CD163: variants seen among roughly 807,000 people sequenced by gnomAD.
CD163 encodes CD163 molecule.
CD163 carries 64 observed loss-of-function variants against 129.2 expected under a neutral mutation model. The observed-to-expected ratio is 0.50, with a 90% CI of 0.41 to 0.61. CD163 has a LOEUF of 0.61. CD163 is among the 20% of genes least tolerant of loss of function. CD163 has a pLI of 0.00. For synonymous variants in CD163, 446 were observed against 478.5 expected (o/e 0.93, Z 0.89); for missense variants, 1,061 against 1,377.9 (o/e 0.77, Z 3.64).
intron 14 of CD163, 103 bp from the exon 15 acceptor site, chr12:7,481,359 C>G: frequency 1.2e-6 from 1 of 804,400 alleles, no homozygotes; most frequent in Non-Finnish European, 2.1e-6. Flanking sequence ...TCGTCTTTAT[C>G]CCTGCTATTG....
intron 16 of CD163, among the ~76,000 whole-genome samples, chr12:7,478,272 C>T (rs979444120): frequency 6.6e-6 from 1 of 152,082 alleles, no homozygotes; most frequent in African/African-American, 2.4e-5. Flanking sequence ...ATAGAAACTG[C>T]CAGATTGCTT....
rs1383835178 is a variant in CD163, at chr12:7,487,374, A to G, written c.2035T>C (p.Ser679Pro). 10 of 1,589,988 alleles carry G rather than the reference A, an allele frequency of 6.3e-6. No homozygotes were observed. Among genetic ancestry groups the G allele is most frequent in the Non-Finnish European group, 8.6e-6 (10 of 1,168,114 alleles). The change falls in exon 8 of 17, where the codon TCT becomes CCT. Residue 679 changes from serine to proline, a missense_variant. Physicochemically the swap from Ser to Pro is moderately conservative, Grantham distance 74. Coordinates refer to ENST00000432237, the MANE Select transcript of CD163 (RefSeq NM_203416.4). This position sits in a 1 kb window ranked among gnomAD's most constrained non-coding sequence, Gnocchi z 5.1. ...ATCCTCTTACCTGAGCAGATTACAG[A>G]GGCCACTTGCTCTGAAGGACATAAT... ...ASLCPSEQVA[S>P]VICSGNQSQT...
At position 7,497,106 on chromosome 12, in the gene CD163, A is replaced by C. The variant is rs763887296; in HGVS notation, c.806T>G (p.Val269Gly). Residue 269 changes from valine to glycine, a missense_variant, in exon 5 of 17, where the codon GTA becomes GGA. By Grantham distance (109) the Val-to-Gly change is moderately radical (BLOSUM62 -3). Transcript: ENST00000432237. ...SKGADLSLRLVDGVTECSGRL... is the reference protein window; with the variant it reads ...SKGADLSLRLGDGVTECSGRL... The stretch of plus-strand genomic sequence containing the variant: ...TCCTGAACATTCAGTGACTCCATCT[A>C]CCAGTCTCAGGCTCAGATCTGCTCC... 6.2e-7 allele frequency: 1 copy of C among 1,613,970 alleles called. No individual in the cohort carries two copies. The highest frequency in any genetic ancestry group is 2.2e-5 in the East Asian group (1 of 44,866).
chr12:7,487,804 G>C lies in CD163; in HGVS notation c.1704C>G (p.Ser568Arg), dbSNP rs746352336. The change falls in exon 7 of 17, where the codon AGC becomes AGG. Residue 568 changes from serine (S) to arginine (R), a missense_variant. Coordinates refer to ENST00000432237, the MANE Select transcript of CD163 (RefSeq NM_203416.4). This position sits in a 1 kb window ranked among gnomAD's most constrained non-coding sequence, Gnocchi z 5.1. ...AGACTACTCCAACATCCCTGCTGTG[G>C]CTACAAGTTCCTTCTGGGCGGGGTG... Reference protein sequence around the residue: ...PVAPRPEGTCSHSRDVGVVCS... With the variant: ...PVAPRPEGTCRHSRDVGVVCS... The C allele has an allele frequency of 7.4e-6, 12 of 1,613,944 alleles. No individual in the cohort carries two copies. The highest frequency in any genetic ancestry group is 1.0e-5 in the Non-Finnish European group (12 of 1,180,024).
At chr12:7,503,263 T>C (rs1343633254) in intron 1 of CD163, among the ~76,000 whole-genome samples, 1 of 152,232 alleles carries the variant, frequency 6.6e-6, no homozygotes, top group Non-Finnish European at 1.5e-5. Flanking sequence ...TTTTAACATG[T>C]CCAAATAAGT....
At position 7,495,238 on chromosome 12, in the gene CD163, T is replaced by C. The variant is rs754072323; in HGVS notation, c.1263A>G (p.Lys421=). Residue 421 remains lysine, a synonymous_variant, in exon 6 of 17, where the codon AAA becomes AAG. Coordinates refer to ENST00000432237, the MANE Select transcript of CD163 (RefSeq NM_203416.4). The stretch of plus-strand genomic sequence containing the variant: ...TTTTGGAGTACACTTGATAAGATGT[T>C]TTGAGTGCAGATCCACATCCCAGCT... ...CRQLGCGSAL[K]TSYQVYSKIQ... The C allele has an allele frequency of 6.2e-7, 1 of 1,614,128 alleles. No homozygotes were observed. Among genetic ancestry groups the C allele is most frequent in the Non-Finnish European group, 8.5e-7 (1 of 1,180,006 alleles).
intron 6 of CD163, 58 bp from the exon 7 acceptor site, chr12:7,488,145 G>C: frequency 6.7e-7 from 1 of 1,492,402 alleles, no homozygotes; most frequent in Non-Finnish European, 9.0e-7. Flanking sequence ...TTCCATTCAT[G>C]ATGAGGGTGA....
rs758460376 is a variant in CD163 at position 7,486,757 on chromosome 12, T to G, written c.2200A>C (p.Ile734Leu). Reference sequence around the variant, plus strand: ...GTGCCCCAGGAGCCCTCATGATAGATCTCTACTCTCCCAGCACAGCGACCT... The same window carrying G: ...GTGCCCCAGGAGCCCTCATGATAGAGCTCTACTCTCCCAGCACAGCGACCT... ...GGGRCAGRVE[I>L]YHEGSWGTIC... Residue 734 changes from isoleucine to leucine, a missense_variant, in exon 10 of 17, where the codon ATC becomes CTC. Transcript: ENST00000432237. The G allele has an allele frequency of 2.5e-6, 4 of 1,613,924 alleles. No homozygotes were observed. Among genetic ancestry groups the G allele is most frequent in the Admixed American group, 1.7e-5 (1 of 60,000 alleles).
intron 5 of CD163, 62 bp from the exon 6 acceptor site, chr12:7,495,463 T>C (rs1313231441): frequency 6.9e-7 from 1 of 1,453,290 alleles, no homozygotes; most frequent in East Asian, 2.3e-5. Flanking sequence ...CAGAGGATTT[T>C]TTTTTGTCTT....
intron 12 of CD163, 100 bp downstream of exon 12, chr12:7,483,267 C>A: frequency 2.8e-6 from 3 of 1,089,954 alleles, no homozygotes; most frequent in Non-Finnish European, 4.0e-6. Flanking sequence ...CCCACCAGAT[C>A]CCTGTGCTGA....
Position 7,487,816 on chromosome 12 carries a change from T to C in CD163, c.1692A>G (p.Glu564=), listed in dbSNP as rs1281242479. 6.2e-7 allele frequency: 1 copy of C among 1,614,044 alleles called. No individual in the cohort carries two copies. Among genetic ancestry groups the C allele is most frequent in the Non-Finnish European group, 8.5e-7 (1 of 1,180,032 alleles). The change falls in exon 7 of 17, where the codon GAA becomes GAG. Residue 564 remains glutamate (E), a synonymous_variant. Coordinates refer to ENST00000432237, the MANE Select transcript of CD163 (RefSeq NM_203416.4). This position sits in a 1 kb window ranked among gnomAD's most constrained non-coding sequence, Gnocchi z 5.1. ...LSLCPVAPRP[E]GTCSHSRDVG... ...CATCCCTGCTGTGGCTACAAGTTCC[T>C]TCTGGGCGGGGTGCTACTGGGCAGA...
chr12:7,491,064 G>A (rs1949320508), intron 6 of CD163, among the ~76,000 whole-genome samples: 1 of 151,780 alleles, frequency 6.6e-6, no homozygotes, highest in Non-Finnish European at 1.5e-5. Context: ...CCAAATTCTG[G>A]TTTCTTGTAA....
chr12:7,477,988 C>T (rs1949111363), intron 16 of CD163, among the ~76,000 whole-genome samples: 1 of 152,032 alleles, frequency 6.6e-6, no homozygotes, highest in South Asian at 2.1e-4. Flanking sequence ...TAGATGTAAG[C>T]ATTGTATTTA....
At position 7,486,719 on chromosome 12, in the gene CD163, G is replaced by A. The variant is rs147727599; in HGVS notation, c.2238C>T (p.Asp746=). ...CGTGGGCATCACTCAGGTCCCAGCTGTCATCACAGATGGTGCCCCAGGAGC... is the reference window on the plus strand; with the variant it reads ...CGTGGGCATCACTCAGGTCCCAGCTATCATCACAGATGGTGCCCCAGGAGC... The part of the protein sequence containing the change: ...HEGSWGTICD[D]SWDLSDAHVV... Residue 746 remains aspartate, a synonymous_variant, in exon 10 of 17, where the codon GAC becomes GAT. Transcript: ENST00000432237. The A allele has an allele frequency of 4.7e-3, 7,546 of 1,614,156 alleles. 34 individuals are homozygous for A. The highest frequency in any genetic ancestry group is 5.7e-3 in the Non-Finnish European group (6,752 of 1,180,016).
chr12:7,478,758 C>T (rs1218909744), intron 16 of CD163, among the ~76,000 whole-genome samples: 1 of 151,472 alleles, frequency 6.6e-6, no homozygotes, highest in Admixed American at 6.6e-5. Context: ...GTGTCTTGTA[C>T]AGTCTTTACC....
At chr12:7,502,893 A>G (rs1949514181) in intron 1 of CD163, among the ~76,000 whole-genome samples, 1 of 152,198 alleles carries the variant, frequency 6.6e-6, no homozygotes, top group Non-Finnish European at 1.5e-5. Context: ...TTCTCCCAGC[A>G]GGCACAGGGA....
In CD163 at chr12:7,499,045, C is replaced by G; in HGVS notation, c.601G>C (p.Glu201Gln). ...DHASVICRQL[E>Q]CGSAVSFSGS... is the part of the protein sequence containing the mutation. ...GAGAAACTGACAGCACTTCCACATT[C>G]AAGTTGTCTACAAATGACAGATGCA... The change falls in exon 4 of 17, where the codon GAA becomes CAA. Residue 201 changes from glutamate (E) to glutamine (Q), a missense_variant. Glu to Gln is a conservative substitution (Grantham distance 29). Coordinates refer to ENST00000432237, the MANE Select transcript of CD163 (RefSeq NM_203416.4). 2 of 1,614,156 alleles carry G rather than the reference C, an allele frequency of 1.2e-6. No individual in the cohort carries two copies. The highest frequency in any genetic ancestry group is 2.2e-5 in the East Asian group (1 of 44,874).
At chr12:7,478,292 G>A (rs1049738759) in intron 16 of CD163, among the ~76,000 whole-genome samples, 7 of 152,050 alleles carry the variant, frequency 4.6e-5, no homozygotes, top group South Asian at 2.1e-4. Context: ...TTCTCCAAAG[G>A]CTACCTACCA....
Position 7,481,144 on chromosome 12 carries a change from T to C in CD163, c.3343+17A>G, listed in dbSNP as rs1949156526. ...ATCTGAACCCCTGGGCAATAGACCCTCCAAGAACCCACAGACCTGAGGAAT... is the reference window on the plus strand; with the variant it reads ...ATCTGAACCCCTGGGCAATAGACCCCCCAAGAACCCACAGACCTGAGGAAT... On this transcript the variant is annotated intron_variant, in intron 15 of 16. Coordinates refer to ENST00000432237, the MANE Select transcript of CD163 (RefSeq NM_203416.4). 6.2e-7 allele frequency: 1 copy of C among 1,613,228 alleles called. No homozygotes were observed. The highest frequency in any genetic ancestry group is 1.7e-5 in the Admixed American group (1 of 59,958).
Sources: gnomAD v4.1 joint callset for allele counts (sites outside exome capture counted in the v4.1 genomes callset) on GRCh38, gnomAD v4.1.1 for gene constraint, Gnocchi (gnomAD v3.1) non-coding constraint, MANE v1.5 for transcripts, NCBI Gene and HGNC (gene_info 2026-07-23, HGNC 2026-07-21) for gene names.